Variants in CACNA2D1 observed in about 807,000 individuals in gnomAD.
The protein encoded by CACNA2D1 is voltage-dependent calcium channel subunit alpha-2/delta-1.
A neutral mutation model predicts 171.5 loss-of-function variants in CACNA2D1; 53 were observed. The observed-to-expected ratio is 0.31, with a 90% CI of 0.25 to 0.39. The LOEUF is 0.39. Among genes scored for constraint, CACNA2D1 ranks in the 10% least tolerant of loss-of-function variants. The pLI is 1.00. For missense variants in CACNA2D1, 903 were observed against 1,299.8 expected (o/e 0.69, Z 4.69); for synonymous variants, 442 against 443.1 (o/e 1.00, Z 0.03).
intron 1 of CACNA2D1, among the ~76,000 whole-genome samples, chr7:82,412,580 G>T (rs1369229669): frequency 6.6e-6 from 1 of 151,918 alleles, no homozygotes; most frequent in Non-Finnish European, 1.5e-5. Context: ...ACTGTGCCCG[G>T]CCTAGTGCTT....
intron 1 of CACNA2D1, among the ~76,000 whole-genome samples, chr7:82,379,171 T>G (rs1823388312): frequency 6.6e-6 from 1 of 152,170 alleles, no homozygotes; most frequent in Non-Finnish European, 1.5e-5. Flanking sequence ...TAATTCAGTT[T>G]CTCAAATGTT....
chr7:82,352,309 TAA>T (rs1047422329), intron 1 of CACNA2D1, among the ~76,000 whole-genome samples: 1 of 152,206 alleles, frequency 6.6e-6, no homozygotes, highest in African/African-American at 2.4e-5. Context: ...ATCATGAAAG[TAA>T]AAAATTACTC....
At position 82,085,538 on chromosome 7, in the gene CACNA2D1, A is replaced by T. The variant is rs561740962; in HGVS notation, c.527-638T>A. On this transcript the variant is annotated intron_variant, in intron 6 of 38. Coordinates refer to ENST00000356860, the MANE Select transcript of CACNA2D1 (RefSeq NM_000722.4). ...TGCTACCTTAAAAAAAAAAAAAAGA[A>T]AAAAAGTCATTGGGCATAGCTAATT... 7.1e-3 allele frequency among the ~76,000 whole-genome samples: 1,079 copies of T among 151,594 alleles called. 13 individuals are homozygous for T. The highest frequency in any genetic ancestry group is 0.025 in the African/African-American group (1,025 of 41,442).
At chr7:81,976,897 A>AT (rs1484082256) in intron 24 of CACNA2D1, among the ~76,000 whole-genome samples, 11 of 152,104 alleles carry the variant, frequency 7.2e-5, no homozygotes, top group Admixed American at 2.0e-4. Flanking sequence ...TTGCACATTG[A>AT]TTTTTTATCC....
In CACNA2D1 at chr7:81,959,958, C is replaced by T. The variant is rs924914816; in HGVS notation, c.2967-129G>A. ...TCTGAAACAGAAACCATTCCCAGCA[C>T]AATAGGAGTATGATTTTAGAAGAAA... On this transcript the variant is annotated intron_variant, in intron 36 of 38. Coordinates refer to ENST00000356860, the MANE Select transcript of CACNA2D1 (RefSeq NM_000722.4). The T allele has an allele frequency of 1.7e-5, 23 of 1,371,704 alleles. No homozygotes were observed. In the East Asian group the frequency reaches 5.6e-4, roughly 34 times the overall value. The allele number at this position is 1,371,704 out of a possible 1,614,324, so 85.0% of individuals were successfully genotyped here.
At chr7:82,041,549 T>A (rs1803967916) in intron 10 of CACNA2D1, among the ~76,000 whole-genome samples, 1 of 152,164 alleles carries the variant, frequency 6.6e-6, no homozygotes, top group African/African-American at 2.4e-5. Context: ...AGATAGTAAG[T>A]CCTTTTTCAT....
At chr7:82,195,067 A>G (rs1287876593) in intron 3 of CACNA2D1, among the ~76,000 whole-genome samples, 1 of 151,994 alleles carries the variant, frequency 6.6e-6, no homozygotes, top group African/African-American at 2.4e-5. Flanking sequence ...GTATCTTTTC[A>G]GATTTATATT....
chr7:81,958,495 T>C (rs908006878), intron 38 of CACNA2D1, among the ~76,000 whole-genome samples: 2 of 151,972 alleles, frequency 1.3e-5, no homozygotes, highest in Non-Finnish European at 2.9e-5. Context: ...TCTTTGAGAA[T>C]AGATTAATAT....
intron 6 of CACNA2D1, among the ~76,000 whole-genome samples, chr7:82,097,957 T>C (rs535441879): frequency 6.6e-6 from 1 of 151,842 alleles, no homozygotes; most frequent in African/African-American, 2.4e-5. Flanking sequence ...CTACTAAAAA[T>C]ACAAAAATTA....
chr7:82,241,707 G>A (rs1217175600), intron 3 of CACNA2D1, among the ~76,000 whole-genome samples: 3 of 151,946 alleles, frequency 2.0e-5, no homozygotes, highest in African/African-American at 7.2e-5. Context: ...AAGGGAGGGA[G>A]GGGGGAATTA....
At chr7:82,007,213 A>C (rs1799208072) in intron 16 of CACNA2D1, among the ~76,000 whole-genome samples, 1 of 152,174 alleles carries the variant, frequency 6.6e-6, no homozygotes, top group African/African-American at 2.4e-5. Flanking sequence ...ATATTAATTT[A>C]AATCAGATCC....
chr7:81,980,430 T>C (rs912108872), intron 24 of CACNA2D1, among the ~76,000 whole-genome samples: 2 of 152,098 alleles, frequency 1.3e-5, no homozygotes, highest in African/African-American at 4.8e-5. Flanking sequence ...AATTGATAGC[T>C]GATCTACAGG....
At chr7:82,095,617 G>A (rs569613287) in intron 6 of CACNA2D1, among the ~76,000 whole-genome samples, 38 of 152,230 alleles carry the variant, frequency 2.5e-4, no homozygotes, top group African/African-American at 8.7e-4. Context: ...TAACAGGCAC[G>A]CCATAAACAG....
At chr7:81,985,180 G>GTTACTA (rs1054538108) in intron 21 of CACNA2D1, among the ~76,000 whole-genome samples, 13 of 143,562 alleles carry the variant, frequency 9.1e-5, no homozygotes, top group African/African-American at 3.5e-4. Context: ...AAATGGAAGA[G>GTTACTA]TTACTATTAT....
chr7:81,980,614 ACT>A (rs10648440), intron 24 of CACNA2D1, among the ~76,000 whole-genome samples: 1 of 151,702 alleles, frequency 6.6e-6, no homozygotes, highest in Admixed American at 6.6e-5. Flanking sequence ...CATTTTAGAA[ACT>A]CTCTGGTTAC....
intron 1 of CACNA2D1, among the ~76,000 whole-genome samples, chr7:82,396,835 CA>C (rs1825798080): frequency 6.6e-6 from 1 of 152,186 alleles, no homozygotes; most frequent in African/African-American, 2.4e-5. Context: ...TATGTAGACA[CA>C]AAAGTTTGCT....
At chr7:82,000,771 C>CTTTTTTTTTTTTTTTTTT (rs774565705) in intron 18 of CACNA2D1, among the ~76,000 whole-genome samples, 5 of 51,958 alleles carry the variant, frequency 9.6e-5, no homozygotes, top group Non-Finnish European at 1.4e-4. Flanking sequence ...ATTTTTCTTT[C>CTTTTTTTTTTTTTTTTTT]TTTTTTTTTT....
At chr7:82,070,444 G>A (rs1210902137) in intron 7 of CACNA2D1, among the ~76,000 whole-genome samples, 3 of 152,202 alleles carry the variant, frequency 2.0e-5, no homozygotes, top group African/African-American at 7.2e-5. Context: ...AACAGGCTAA[G>A]TTGCGCAGGG....
intron 6 of CACNA2D1, among the ~76,000 whole-genome samples, chr7:82,104,203 T>A (rs900125524): frequency 1.6e-4 from 25 of 152,184 alleles, no homozygotes; most frequent in African/African-American, 4.8e-4. Context: ...CTGACTTTTT[T>A]AATTTAATGA....
Sources: allele counts gnomAD v4.1 joint callset (sites outside exome capture counted in the v4.1 genomes callset), GRCh38; gene constraint gnomAD v4.1.1; transcripts MANE v1.5; gene names NCBI Gene and HGNC (gene_info 2026-07-23, HGNC 2026-07-21).